UNC80: variants seen among roughly 807,000 people sequenced by gnomAD.
UNC80 encodes unc-80 subunit of NALCN channel complex.
UNC80 carries 164 observed loss-of-function variants against 384.6 expected under a neutral mutation model. The ratio of observed to expected loss-of-function variants is 0.43; its 90% CI spans 0.38 to 0.49. The LOEUF (loss-of-function observed/expected upper bound fraction) is 0.49. Among genes scored for constraint, UNC80 ranks in the 20% least tolerant of loss-of-function variants. The probability of loss-of-function intolerance (pLI) is 0.00; values close to 1 mark genes in which losing one functional copy is unlikely to be tolerated. For missense variants in UNC80, 3,330 were observed against 4,143.0 expected (o/e 0.80, Z 5.39); for synonymous variants, 1,486 against 1,527.8 (o/e 0.97, Z 0.64).
At position 209,943,311 on chromosome 2, in the gene UNC80, G is replaced by A. The variant is rs180789264; in HGVS notation, c.6916-69G>A. The A allele has an allele frequency of 6.9e-4, 1,060 of 1,532,736 alleles. 1 individual carries two copies. The highest frequency in any genetic ancestry group is 8.6e-4 in the Non-Finnish European group (975 of 1,135,922). 94.9% of individuals were successfully genotyped at this position (1,532,736 alleles called of 1,614,324 possible). On this transcript the variant is annotated intron_variant, in intron 44 of 64. Transcript: ENST00000673920. Reference sequence around the variant, plus strand: ...CCCTCCAAGCTTCCCATGACCATGAGTTTTAAAAGCGAGTACAACTTTGAT... The same window carrying A: ...CCCTCCAAGCTTCCCATGACCATGAATTTTAAAAGCGAGTACAACTTTGAT...
At chr2:209,920,830 CTTTT>C (rs869121048) in intron 33 of UNC80, among the ~76,000 whole-genome samples, 2 of 142,736 alleles carry the variant, frequency 1.4e-5, no homozygotes. Flanking sequence ...AAATGTTCTT[CTTTT>C]TTTTTTTTTT....
intron 23 of UNC80, among the ~76,000 whole-genome samples, chr2:209,873,237 TAGTA>T (rs2084463637): frequency 6.6e-6 from 1 of 152,220 alleles, no homozygotes; most frequent in Non-Finnish European, 1.5e-5. Context: ...TATCTATTAA[TAGTA>T]AGTAGAGGAA....
At chr2:209,888,594 T>G (rs942416771) in intron 26 of UNC80, among the ~76,000 whole-genome samples, 15 of 152,000 alleles carry the variant, frequency 9.9e-5, no homozygotes, top group African/African-American at 3.4e-4. Flanking sequence ...TATTGGTTTT[T>G]TTTGTTTGTT....
At chr2:209,776,066 C>CTTTTTTTTTTTTT in intron 3 of UNC80, 21 bp downstream of exon 3, 1 of 1,613,624 alleles carries the variant, frequency 6.2e-7, no homozygotes, top group Non-Finnish European at 8.5e-7. Flanking sequence ...CGCATTACTT[C>CTTTTTTTTTTTTT]TTTATTGCAT....
chr2:209,905,173 G>A (rs1038641933), intron 29 of UNC80, among the ~76,000 whole-genome samples: 1 of 152,058 alleles, frequency 6.6e-6, no homozygotes, highest in Non-Finnish European at 1.5e-5. Flanking sequence ...CTCAGGTTTT[G>A]TCTTATTCTG....
intron 22 of UNC80, among the ~76,000 whole-genome samples, chr2:209,851,403 A>T: frequency 6.6e-6 from 1 of 152,076 alleles, no homozygotes; most frequent in East Asian, 1.9e-4. Flanking sequence ...GACTGTATAT[A>T]ATCGGGGAGG....
chr2:209,868,374 T>C lies in UNC80; in HGVS notation c.3628-4384T>C, dbSNP rs143696692. 8.3e-4 allele frequency among the ~76,000 whole-genome samples: 126 copies of C among 152,318 alleles called. 4 individuals carry two copies. The East Asian group carries it at 0.024, about 29-fold the overall frequency. The stretch of plus-strand genomic sequence containing the variant: ...AAAACAGTTAGTTTCTATCTAGTGT[T>C]ATATGAGTTTTCAGGATCAGTCAAG... On this transcript the variant is annotated intron_variant, in intron 22 of 64. Coordinates refer to ENST00000673920, the MANE Select transcript of UNC80 (RefSeq NM_001371986.1).
chr2:209,921,815 C>T (rs2090059898), intron 34 of UNC80, 129 bp downstream of exon 34: 7 of 1,128,086 alleles, frequency 6.2e-6, no homozygotes, highest in Admixed American at 3.1e-5. Flanking sequence ...CACTTCCTGA[C>T]GCTAACCAAA....
chr2:209,866,484 GCACCCCCA>G (rs760471013), intron 22 of UNC80, among the ~76,000 whole-genome samples: 113 of 76,090 alleles, frequency 1.5e-3, no homozygotes, highest in Middle Eastern at 8.8e-3. Flanking sequence ...AATACAAAAT[GCACCCCCA>G]CACACACACA....
chr2:209,817,920 C>T lies in UNC80; in HGVS notation c.1661C>T (p.Ser554Phe). 2 of 1,551,632 alleles carry T rather than the reference C, an allele frequency of 1.3e-6. No homozygotes were observed. Among genetic ancestry groups the T allele is most frequent in the Non-Finnish European group, 1.7e-6 (2 of 1,146,980 alleles). ...CTGGTAAGCGACCTGCCGGACCCCTCCAACAGCCATGGAGAAAACACCGTC... is the reference window on the plus strand; with the variant it reads ...CTGGTAAGCGACCTGCCGGACCCCTTCAACAGCCATGGAGAAAACACCGTC... ...HTLVSDLPDP[S>F]NSHGENTVKE... The change falls in exon 11 of 65, where the codon TCC (serine) becomes TTC (phenylalanine). Residue 554 changes from serine to phenylalanine, a missense_variant. Ser to Phe is a radical substitution (Grantham distance 155). Transcript: ENST00000673920.
intron 63 of UNC80, 59 bp downstream of exon 63, chr2:209,993,485 C>G (rs1001153856): frequency 2.7e-6 from 4 of 1,456,280 alleles, no homozygotes; most frequent in Non-Finnish European, 3.7e-6. Context: ...GCAACTCACC[C>G]AGGAAGGCTT....
At chr2:209,888,316 A>G in intron 26 of UNC80, 56 bp downstream of exon 26, 4 of 1,531,538 alleles carry the variant, frequency 2.6e-6, no homozygotes, top group South Asian at 2.4e-5. Context: ...CTCATAGGAT[A>G]TTTGCACTAG....
At chr2:209,874,168 C>G (rs1214131991) in intron 23 of UNC80, among the ~76,000 whole-genome samples, 1 of 152,102 alleles carries the variant, frequency 6.6e-6, no homozygotes, top group Non-Finnish European at 1.5e-5. Context: ...TTCCATTGTA[C>G]TTATCCTTCA....
rs1423331528 is a variant in UNC80, at chr2:209,977,022, T to C, written c.8882T>C (p.Ile2961Thr). ...CGCCCTTTGTGTAAGAGCTCGCTCA[T>C]TGCTGAGTTCAACAGTGAACTAAAA... ...IPRPLCKSSL[I>T]AEFNSELKIL... The change falls in exon 58 of 65, where the codon ATT becomes ACT. Residue 2961 changes from isoleucine to threonine, a missense_variant. Physicochemically the swap from Ile to Thr is moderately conservative, Grantham distance 89 (BLOSUM62 -1). Coordinates refer to ENST00000673920, the MANE Select transcript of UNC80 (RefSeq NM_001371986.1). 2 of 1,537,464 alleles carry C rather than the reference T, an allele frequency of 1.3e-6. No homozygotes were observed. Among genetic ancestry groups the C allele is most frequent in the East Asian group, 4.9e-5 (2 of 40,482 alleles).
rs575455798 is a variant in UNC80, at chr2:209,827,643, T to C, written c.2479-1589T>C. Among the ~76,000 whole-genome samples, 6 of 152,294 alleles carry C rather than the reference T, an allele frequency of 3.9e-5. No homozygotes were observed. The South Asian group carries it at 1.0e-3, about 26-fold the overall frequency. On this transcript the variant is annotated intron_variant, in intron 14 of 64. Coordinates refer to ENST00000673920, the MANE Select transcript of UNC80 (RefSeq NM_001371986.1). ...TTGCTTATTTAGTTCAGTAAACACA[T>C]TGTCCAAGAGATATAAATATGGGAA...
chr2:209,878,534 T>A (rs2084980779), intron 24 of UNC80, among the ~76,000 whole-genome samples: 1 of 152,104 alleles, frequency 6.6e-6, no homozygotes, highest in Non-Finnish European at 1.5e-5. Context: ...ATATTGAAAA[T>A]TTTAAACAGA....
At chr2:209,960,244 T>C (rs1005468397) in intron 51 of UNC80, among the ~76,000 whole-genome samples, 2 of 152,220 alleles carry the variant, frequency 1.3e-5, no homozygotes, top group Non-Finnish European at 2.9e-5. Flanking sequence ...AAATGTGTCC[T>C]GGTAAAAATT....
chr2:209,849,228 G>T (rs2082358072), intron 21 of UNC80, among the ~76,000 whole-genome samples: 1 of 152,076 alleles, frequency 6.6e-6, no homozygotes, highest in Non-Finnish European at 1.5e-5. Flanking sequence ...AAATATTTAG[G>T]TAAAATCTTA....
At chr2:209,882,214 C>T (rs938431361) in intron 25 of UNC80, among the ~76,000 whole-genome samples, 1 of 152,046 alleles carries the variant, frequency 6.6e-6, no homozygotes, top group Non-Finnish European at 1.5e-5. Context: ...GATCTGCCTG[C>T]CTTGGCCTCC....
Sources: allele counts gnomAD v4.1 joint callset (sites outside exome capture counted in the v4.1 genomes callset), GRCh38; gene constraint gnomAD v4.1.1; transcripts MANE v1.5; gene names NCBI Gene and HGNC (gene_info 2026-07-23, HGNC 2026-07-21).